MAP4K4: variants seen among roughly 807,000 people sequenced by gnomAD.
The protein encoded by MAP4K4 is mitogen-activated protein kinase kinase kinase kinase 4, also known as HPK/GCK-like kinase HGK.
In MAP4K4, 38 loss-of-function variants were observed where a neutral mutation model predicts 189.6. That is an observed-to-expected ratio of 0.20 (90% CI 0.15 to 0.26). The LOEUF is 0.26. Among genes scored for constraint, MAP4K4 ranks in the 10% least tolerant of loss-of-function variants. The probability of loss-of-function intolerance (pLI) is 1.00; values close to 1 mark genes in which losing one functional copy is unlikely to be tolerated. For synonymous variants in MAP4K4, 610 were observed against 624.3 expected (o/e 0.98, Z 0.34); for missense variants, 1,054 against 1,726.9 (o/e 0.61, Z 6.91).
intron 2 of MAP4K4, among the ~76,000 whole-genome samples, chr2:101,717,801 G>A (rs2049249959): frequency 6.6e-6 from 1 of 152,210 alleles, no homozygotes; most frequent in Admixed American, 6.5e-5. Context: ...AATGGAGACG[G>A]TGAAGACTCA....
At chr2:101,770,627 A>G (rs17026045) in intron 2 of MAP4K4, among the ~76,000 whole-genome samples, 2,451 of 152,332 alleles carry the variant, frequency 0.016, 75 homozygotes, top group African/African-American at 0.056. Context: ...TATGAAGCTC[A>G]GTAATGCAAA....
intron 12 of MAP4K4, among the ~76,000 whole-genome samples, chr2:101,846,330 T>G (rs1351736219): frequency 6.6e-6 from 1 of 152,166 alleles, no homozygotes; most frequent in Non-Finnish European, 1.5e-5. Context: ...CTGTTTCTAG[T>G]TGTTTCTTGA....
intron 27 of MAP4K4, 114 bp downstream of exon 27, chr2:101,877,260 A>C: frequency 9.6e-7 from 1 of 1,040,846 alleles, no homozygotes. Context: ...ATAAGGTACA[A>C]CCACATTGAG....
chr2:101,789,213 T>C lies in MAP4K4; in HGVS notation c.124-1507T>C, dbSNP rs937198899. 2.0e-5 allele frequency among the ~76,000 whole-genome samples: 3 copies of C among 152,328 alleles called. No individual in the cohort carries two copies. In the South Asian group the frequency reaches 6.2e-4, roughly 32 times the overall value. The stretch of plus-strand genomic sequence containing the variant: ...CAAGGAGATGAACTTTGTACGCTTA[T>C]GTGGAAAGTATGAGAGGATCACTTA... On this transcript the variant is annotated intron_variant, in intron 2 of 32. Coordinates refer to ENST00000324219, the Ensembl canonical transcript of MAP4K4.
chr2:101,812,562 A>C (rs893474054), intron 3 of MAP4K4, among the ~76,000 whole-genome samples: 1 of 152,170 alleles, frequency 6.6e-6, no homozygotes, highest in African/African-American at 2.4e-5. Context: ...CTACAGCTTT[A>C]TGAAATGTGT....
intron 2 of MAP4K4, among the ~76,000 whole-genome samples, chr2:101,756,032 C>G (rs144684437): frequency 0.015 from 2,285 of 150,126 alleles, 29 homozygotes; most frequent in Middle Eastern, 0.056. Context: ...GCTCCGCCTC[C>G]CAGGTTTACA....
intron 16 of MAP4K4, 119 bp from the exon 17 acceptor site, chr2:101,863,702 C>G: frequency 1.8e-6 from 1 of 558,044 alleles, no homozygotes; most frequent in South Asian, 1.6e-5. Context: ...TGACCTAACA[C>G]TGTACCACCC....
At chr2:101,764,762 C>G (rs150045273) in intron 2 of MAP4K4, among the ~76,000 whole-genome samples, 1 of 152,114 alleles carries the variant, frequency 6.6e-6, no homozygotes, top group Non-Finnish European at 1.5e-5. Flanking sequence ...AGACCCTGAC[C>G]TCTTTGATAT....
intron 26 of MAP4K4, 102 bp downstream of exon 26, chr2:101,874,354 G>GGAA: frequency 9.5e-7 from 1 of 1,050,652 alleles, no homozygotes; most frequent in Non-Finnish European, 1.4e-6. Flanking sequence ...TAGACAGGAT[G>GGAA]GAAGACTTCT....
At chr2:101,721,687 G>T (rs960753719) in intron 2 of MAP4K4, among the ~76,000 whole-genome samples, 4 of 151,976 alleles carry the variant, frequency 2.6e-5, no homozygotes, top group Non-Finnish European at 5.9e-5. Flanking sequence ...CGCCCACCTC[G>T]GCCACCCAAA....
chr2:101,745,214 C>A (rs1423119468), intron 2 of MAP4K4, among the ~76,000 whole-genome samples: 1 of 151,528 alleles, frequency 6.6e-6, no homozygotes, highest in African/African-American at 2.4e-5. Context: ...TGAAATAGAG[C>A]ATATGTAGCC....
chr2:101,865,126 A>T, intron 18 of MAP4K4, 90 bp downstream of exon 18: 2 of 779,508 alleles, frequency 2.6e-6, no homozygotes, highest in Admixed American at 3.0e-5. Context: ...TCTTAAACAC[A>T]GACGTTCTGG....
At chr2:101,707,958 C>T (rs920285479) in intron 2 of MAP4K4, among the ~76,000 whole-genome samples, 4 of 151,740 alleles carry the variant, frequency 2.6e-5, no homozygotes, top group Admixed American at 2.0e-4. Context: ...ACCTCGGCCT[C>T]TCTAAGTGCT....
intron 2 of MAP4K4, among the ~76,000 whole-genome samples, chr2:101,727,386 C>G (rs2056058344): frequency 6.6e-6 from 1 of 152,184 alleles, no homozygotes. Flanking sequence ...TCCACAAATA[C>G]TATTAATATA....
chr2:101,743,900 C>T (rs557634175), intron 2 of MAP4K4, among the ~76,000 whole-genome samples: 34 of 152,142 alleles, frequency 2.2e-4, no homozygotes, highest in Non-Finnish European at 4.6e-4. Context: ...TCAGGTGATC[C>T]GCCCTCCTTG....
chr2:101,795,113 G>A (rs930619730), intron 3 of MAP4K4, among the ~76,000 whole-genome samples: 54 of 152,154 alleles, frequency 3.5e-4, no homozygotes, highest in African/African-American at 1.3e-3. Flanking sequence ...TATTAGTGAA[G>A]CCAAGTTGGG....
intron 12 of MAP4K4, among the ~76,000 whole-genome samples, chr2:101,847,013 TC>T (rs1389184884): frequency 6.6e-6 from 1 of 152,198 alleles, no homozygotes; most frequent in African/African-American, 2.4e-5. Flanking sequence ...ACCTGTGCAC[TC>T]CCTTCCATAT....
At chr2:101,715,448 T>G (rs915260116) in intron 2 of MAP4K4, among the ~76,000 whole-genome samples, 4 of 152,196 alleles carry the variant, frequency 2.6e-5, no homozygotes, top group African/African-American at 7.2e-5. Context: ...AGAAAATAAC[T>G]TTACTCTAAA....
At chr2:101,704,347 C>T (rs1262170184) in intron 2 of MAP4K4, among the ~76,000 whole-genome samples, 4 of 151,896 alleles carry the variant, frequency 2.6e-5, no homozygotes, top group African/African-American at 9.7e-5. Flanking sequence ...CTTTCAAAAA[C>T]TGTTTTACTA....
Sources: allele counts gnomAD v4.1 joint callset (sites outside exome capture counted in the v4.1 genomes callset), GRCh38; gene constraint gnomAD v4.1.1; transcripts MANE v1.5; gene names NCBI Gene and HGNC (gene_info 2026-07-23, HGNC 2026-07-21).